Variants in PZP observed in about 807,000 individuals in gnomAD.
The protein encoded by PZP is pregnancy zone protein.
In PZP, 150 loss-of-function variants were observed where a neutral mutation model predicts 179.8. The observed-to-expected ratio is 0.83, with a 90% CI of 0.73 to 0.96. The LOEUF is 0.96. Ranked by LOEUF, PZP falls within the 40% of genes least tolerant of loss-of-function variation. PZP has a pLI of 0.00. For missense variants in PZP, 1,689 were observed against 1,764.0 expected (o/e 0.96, Z 0.76); for synonymous variants, 624 against 652.3 (o/e 0.96, Z 0.66).
chr12:9,197,684 C>T (rs4012635), intron 7 of PZP, among the ~76,000 whole-genome samples: 4,551 of 55,788 alleles, frequency 0.082, 68 homozygotes, highest in Admixed American at 0.11. Context: ...TTATACAATA[C>T]ATAATATATA....
chr12:9,155,747 T>C (rs1940704552), intron 28 of PZP: 1 of 152,478 alleles, frequency 6.6e-6, no homozygotes, highest in Admixed American at 6.5e-5. Flanking sequence ...CTGCTCCAAA[T>C]AAATCATGGT....
intron 21 of PZP, among the ~76,000 whole-genome samples, 159 bp downstream of exon 21, chr12:9,163,509 T>C (rs1174203206): frequency 6.6e-6 from 1 of 152,020 alleles, no homozygotes; most frequent in Non-Finnish European, 1.5e-5. Flanking sequence ...TTACAATAGC[T>C]GGCAATGTTG....
rs1464778784 is a variant in PZP, at chr12:9,170,063, A to G, written c.1840-472T>C. The G allele has an allele frequency of 6.6e-6, 1 of 152,360 alleles. No individual in the cohort carries two copies. The highest frequency in any genetic ancestry group is 1.9e-4 in the East Asian group (1 of 5,198). 9.4% of individuals were successfully genotyped at this position (152,360 alleles called of 1,614,324 possible). A position where few individuals can be genotyped will look rare whatever the true frequency, so the allele number is the denominator to read the frequency against. On this transcript the variant is annotated intron_variant, in intron 15 of 35. Coordinates refer to ENST00000261336, the MANE Select transcript of PZP (RefSeq NM_002864.3). The surrounding 1 kb of genome is among the most constrained non-coding windows in gnomAD (Gnocchi z 4.6). Reference sequence around the variant, plus strand: ...GCAGCACTTACGGAGTGGAATGAAAAAGCTTATTAAATGCAGCACCTTCAA... The same window carrying G: ...GCAGCACTTACGGAGTGGAATGAAAGAGCTTATTAAATGCAGCACCTTCAA...
chr12:9,191,431 T>A (rs1173194996), intron 13 of PZP, among the ~76,000 whole-genome samples: 1 of 152,002 alleles, frequency 6.6e-6, no homozygotes, highest in Non-Finnish European at 1.5e-5. Context: ...AGAGTACTGA[T>A]TAATAATGCA....
In PZP at chr12:9,208,366, T is replaced by C. The variant is rs777659132; in HGVS notation, c.-25A>G. ...TTGTGAGGGATAAATCTCAGGGTTG[T>C]GTCCAACTCTCTGCCCTCAGCCTCG... On this transcript the variant is annotated 5_prime_UTR_variant, in exon 1 of 36. Coordinates refer to ENST00000261336, the MANE Select transcript of PZP (RefSeq NM_002864.3). The C allele has an allele frequency of 6.9e-6, 11 of 1,589,282 alleles. No individual in the cohort carries two copies. The East Asian group carries it at 1.1e-4, about 16-fold the overall frequency.
intron 4 of PZP, among the ~76,000 whole-genome samples, chr12:9,202,058 A>G (rs779438249): frequency 1.2e-4 from 18 of 152,138 alleles, no homozygotes; most frequent in Non-Finnish European, 1.2e-4. Flanking sequence ...ATGCTTCTTT[A>G]ATATTCTTAA....
Position 9,149,006 on chromosome 12 carries a change from A to G in PZP, c.4427-12T>C. On this transcript the variant is annotated splice_polypyrimidine_tract_variant and intron_variant, in intron 35 of 35. Coordinates refer to ENST00000261336, the MANE Select transcript of PZP (RefSeq NM_002864.3). ...TCCATGCTCTGTATCTATGGAGAAA[A>G]GAAAAACGTAAGGAGGTTGTATCAT... is the stretch of plus-strand genomic sequence containing the variant. 6.2e-7 allele frequency: 1 copy of G among 1,610,008 alleles called. No homozygotes were observed. Among genetic ancestry groups the G allele is most frequent in the Non-Finnish European group, 8.5e-7 (1 of 1,176,330 alleles).
intron 17 of PZP, chr12:9,167,384 G>C (rs1941660184): frequency 6.6e-6 from 1 of 152,132 alleles, no homozygotes; most frequent in Non-Finnish European, 1.5e-5. Flanking sequence ...TCAAAGCTTT[G>C]TGTATCAGAC....
chr12:9,170,694 G>A lies in PZP; in HGVS notation c.1840-1103C>T, dbSNP rs756687898. On this transcript the variant is annotated intron_variant, in intron 15 of 35. Coordinates refer to ENST00000261336, the MANE Select transcript of PZP (RefSeq NM_002864.3). This position sits in a 1 kb window ranked among gnomAD's most constrained non-coding sequence, Gnocchi z 4.6. ...AATACAGATGGTCTGGATGAGGAAC[G>A]GTCCCCCACGATGCAGCACAGCTGC... 6.6e-5 allele frequency among the ~76,000 whole-genome samples: 10 copies of A among 152,294 alleles called. No homozygotes were observed. The South Asian group carries it at 8.3e-4, about 13-fold the overall frequency.
In PZP at chr12:9,158,530, T is replaced by G. The variant is rs1251371165; in HGVS notation, c.3184A>C (p.Ile1062Leu). The part of the protein sequence containing the change: ...LKTFAQARSY[I>L]FIDEAHITQS... ...GTAATGTGTGCTTCATCAATGAAGA[T>G]GTAGGATCGAGCCTGGGCGAAAGTC... The change falls in exon 26 of 36, where the codon ATC (isoleucine) becomes CTC (leucine). Residue 1062 changes from isoleucine (I) to leucine (L), a missense_variant. Transcript: ENST00000261336. The G allele has an allele frequency of 3.7e-6, 6 of 1,614,136 alleles. No homozygotes were observed. The highest frequency in any genetic ancestry group is 5.1e-6 in the Non-Finnish European group (6 of 1,180,014).
Position 9,165,154 on chromosome 12 carries a change from A to T in PZP, c.2472T>A (p.Leu824=). The T allele has an allele frequency of 6.2e-7, 1 of 1,613,910 alleles. No homozygotes were observed. The highest frequency in any genetic ancestry group is 1.3e-5 in the African/African-American group (1 of 75,012). The change falls in exon 19 of 36, where the codon CTT becomes CTA. Residue 824 remains leucine (L), a synonymous_variant. Transcript: ENST00000261336. ...TTTTCCTTACCCGGATGCATTTGGG[A>T]AGGTAGTTTAGGACCGTGGCCTTGA... ...FTLKATVLNY[L]PKCIRVSVQL... is the part of the protein sequence containing the mutation.
At chr12:9,164,019 CTAACTT>C in intron 20 of PZP, 108 bp downstream of exon 20, 1 of 1,392,706 alleles carries the variant, frequency 7.2e-7, no homozygotes, top group Admixed American at 2.2e-5. Context: ...GGAAAAAAAA[CTAACTT>C]TATAGAATTA....
At chr12:9,166,694 CTGT>C (rs1369542044) in intron 17 of PZP, among the ~76,000 whole-genome samples, 2 of 152,136 alleles carry the variant, frequency 1.3e-5, no homozygotes, top group African/African-American at 2.4e-5. Flanking sequence ...CTTTGCAAAA[CTGT>C]TGTTCTCTGG....
intron 7 of PZP, 58 bp downstream of exon 7, chr12:9,200,302 CTACA>C: frequency 8.8e-7 from 1 of 1,140,872 alleles, no homozygotes. Flanking sequence ...AATTTTGTAC[CTACA>C]TAATCCCTCA....
Position 9,158,560 on chromosome 12 carries a change from G to A in PZP, c.3154C>T (p.Leu1052=), listed in dbSNP as rs765063458. Residue 1052 remains leucine, a synonymous_variant, in exon 26 of 36, where the codon CTG becomes TTG. Transcript: ENST00000261336. ...GATCGAGCCTGGGCGAAAGTCTTCAGTACAAAAGCTGTGAGCCTAGGGGGA... is the reference window on the plus strand; with the variant it reads ...GATCGAGCCTGGGCGAAAGTCTTCAATACAAAAGCTGTGAGCCTAGGGGGA... The part of the protein sequence containing the change: ...QGNTWLTAFV[L]KTFAQARSYI... 5 of 1,614,094 alleles carry A rather than the reference G, an allele frequency of 3.1e-6. No individual in the cohort carries two copies. The highest frequency in any genetic ancestry group is 4.2e-6 in the Non-Finnish European group (5 of 1,179,988).
the PZP span, among the ~76,000 whole-genome samples, chr12:9,141,718 T>C: frequency 1.3e-5 from 2 of 152,236 alleles, no homozygotes; most frequent in Non-Finnish European, 2.9e-5. Flanking sequence ...AAAGTATATG[T>C]AAACTGTTTT....
intron 34 of PZP, 53 bp downstream of exon 34, chr12:9,150,591 C>G: frequency 8.4e-7 from 1 of 1,188,052 alleles, no homozygotes; most frequent in Non-Finnish European, 1.2e-6. Flanking sequence ...ACTGTCACAA[C>G]AGGATCCATT....
Position 9,200,994 on chromosome 12 carries a change from A to C in PZP, c.568T>G (p.Ser190Ala). The change falls in exon 6 of 36, where the codon TCC becomes GCC. Residue 190 changes from serine (S) to alanine (A), a missense_variant. Around this residue, in one of 3 missense-constraint regions of PZP, gnomAD observed 742 missense variants for 730.5 expected, o/e 1.02. Coordinates refer to ENST00000261336, the MANE Select transcript of PZP (RefSeq NM_002864.3). ...ATGGGCTCTGATGAGAGGGGAAAGG[A>C]CAACTGATTGATGCCAGCTTCTAGC... ...LKLEAGINQL[S>A]FPLSSEPIQG... is the part of the protein sequence containing the mutation. The C allele has an allele frequency of 6.2e-7, 1 of 1,614,150 alleles. No individual in the cohort carries two copies. The highest frequency in any genetic ancestry group is 8.5e-7 in the Non-Finnish European group (1 of 1,179,990).
intron 25 of PZP, among the ~76,000 whole-genome samples, 182 bp from the exon 26 acceptor site, chr12:9,158,758 T>TC (rs1491314532): frequency 1.6e-4 from 2 of 12,732 alleles, no homozygotes; most frequent in Admixed American, 5.8e-4. Flanking sequence ...TTTTCTTTTC[T>TC]TTTTTTTTTT....
Sources: gnomAD v4.1 joint callset for allele counts (sites outside exome capture counted in the v4.1 genomes callset) on GRCh38, gnomAD v4.1.1 for gene constraint, gnomAD v4.1.1 regional missense constraint, Gnocchi (gnomAD v3.1) non-coding constraint, MANE v1.5 for transcripts, NCBI Gene and HGNC (gene_info 2026-07-23, HGNC 2026-07-21) for gene names.